Variants in GPR155 observed in about 807,000 individuals in gnomAD.
GPR155 encodes the protein G protein-coupled receptor 155, also known as lysosomal cholesterol signaling protein.
A neutral mutation model predicts 93.1 loss-of-function variants in GPR155; 65 were observed. The observed-to-expected ratio is 0.70, with a 90% CI of 0.57 to 0.86. GPR155 has a LOEUF of 0.86. GPR155 is among the 40% of genes least tolerant of loss of function. The probability of loss-of-function intolerance (pLI) is 0.00; values close to 1 mark genes in which losing one functional copy is unlikely to be tolerated. For missense variants in GPR155, 838 were observed against 1,034.8 expected, an observed-to-expected ratio of 0.81 and a Z score of 2.61; for synonymous variants, 319 against 360.1, an observed-to-expected ratio of 0.89 and a Z score of 1.29.
chr2:174,453,967 T>G (rs982351521), intron 10 of GPR155, 126 bp from the exon 11 acceptor site: 2 of 666,032 alleles, frequency 3.0e-6, no homozygotes, highest in Admixed American at 4.7e-5. Context: ...CTCAATAGTT[T>G]TCACATGGTA....
At chr2:174,452,888 G>A (rs1186749802) in intron 11 of GPR155, among the ~76,000 whole-genome samples, 1 of 152,184 alleles carries the variant, frequency 6.6e-6, no homozygotes, top group African/African-American at 2.4e-5. Context: ...CTGACCTTGT[G>A]ATCCACCCGC....
chr2:174,455,332 T>C (rs918344808), intron 10 of GPR155, among the ~76,000 whole-genome samples: 1 of 152,108 alleles, frequency 6.6e-6, no homozygotes, highest in Non-Finnish European at 1.5e-5. Context: ...GAAGGTTCAC[T>C]GGGTAGCTCA....
chr2:174,442,067 TG>T (rs781175529), intron 14 of GPR155, 51 bp downstream of exon 14: 18 of 935,918 alleles, frequency 1.9e-5, no homozygotes, highest in Non-Finnish European at 2.8e-5. Flanking sequence ...CTTAATATAA[TG>T]GCTTTGTCAT....
At chr2:174,473,652 G>A (rs1333370999) in intron 2 of GPR155, among the ~76,000 whole-genome samples, 2 of 152,182 alleles carry the variant, frequency 1.3e-5, no homozygotes, top group Non-Finnish European at 2.9e-5. Flanking sequence ...GAGCAGAATT[G>A]TAGAATTTTT....
intron 9 of GPR155, among the ~76,000 whole-genome samples, chr2:174,461,065 G>A (rs1009238358): frequency 3.0e-4 from 43 of 143,860 alleles, no homozygotes; most frequent in Middle Eastern, 3.4e-3. Flanking sequence ...TTTATGATAG[G>A]ATTAAGAGTC....
At chr2:174,442,069 G>A (rs1404954230) in intron 14 of GPR155, 50 bp downstream of exon 14, 1 of 942,212 alleles carries the variant, frequency 1.1e-6, no homozygotes, top group Non-Finnish European at 1.7e-6. Context: ...TAATATAATG[G>A]CTTTGTCATC....
At chr2:174,456,028 G>A (rs1470739570) in intron 10 of GPR155, among the ~76,000 whole-genome samples, 1 of 151,994 alleles carries the variant, frequency 6.6e-6, no homozygotes, top group Non-Finnish European at 1.5e-5. Flanking sequence ...TTTTAGTAGA[G>A]ACGGGGTTTC....
At chr2:174,475,071 G>A (rs955763201) in intron 2 of GPR155, among the ~76,000 whole-genome samples, 5 of 151,480 alleles carry the variant, frequency 3.3e-5, no homozygotes, top group South Asian at 2.1e-4. Flanking sequence ...CGAGGCGGGC[G>A]GATCACGAGG....
intron 1 of GPR155, among the ~76,000 whole-genome samples, chr2:174,482,483 C>A (rs796520538): frequency 6.6e-6 from 1 of 152,104 alleles, no homozygotes; most frequent in South Asian, 2.1e-4. Flanking sequence ...CTTTCCAGCC[C>A]GTGGTCATAT....
intron 11 of GPR155, 144 bp downstream of exon 11, chr2:174,453,593 C>T (rs1027458735): frequency 2.0e-6 from 1 of 506,546 alleles, no homozygotes; most frequent in Non-Finnish European, 3.6e-6. Context: ...CTGGGAGGCA[C>T]AGCTTGCAGT....
Position 174,446,718 on chromosome 2 carries a change from G to T in GPR155, c.1906C>A (p.Gln636Lys), listed in dbSNP as rs532779396. Residue 636 changes from glutamine (Q) to lysine (K), a missense_variant, in exon 12 of 16, where the codon CAG (glutamine) becomes AAG (lysine). By Grantham distance (53) the Gln-to-Lys change is moderately conservative (BLOSUM62 1). This residue lies in a region of GPR155 where 663 missense variants were observed against 790.1 expected (regional missense o/e 0.84). Transcript: ENST00000392552. ...TCTTCCTGGGCTAATATGCAGCTCT[G>T]GGAGTTACAGCGACTCACACAATGA... is the stretch of plus-strand genomic sequence containing the variant. ...NNHCVSRCNSQSCILAQEEEQ... is the reference protein window; with the variant it reads ...NNHCVSRCNSKSCILAQEEEQ... 16 of 1,613,892 alleles carry T rather than the reference G, an allele frequency of 9.9e-6. No individual in the cohort carries two copies. The East Asian group carries it at 2.9e-4, about 29-fold the overall frequency.
intron 1 of GPR155, among the ~76,000 whole-genome samples, chr2:174,484,259 A>G (rs1286650662): frequency 6.6e-6 from 1 of 152,246 alleles, no homozygotes; most frequent in African/African-American, 2.4e-5. Context: ...TATCTTGGGA[A>G]AGCTACCGGT....
At chr2:174,468,768 CAG>C (rs1423280302) in intron 5 of GPR155, 142 bp downstream of exon 5, 1 of 724,534 alleles carries the variant, frequency 1.4e-6, no homozygotes, top group Non-Finnish European at 2.3e-6. Context: ...CTCAGTTAAT[CAG>C]AAGGCTGACA....
At chr2:174,447,883 C>T (rs1044963630) in intron 11 of GPR155, among the ~76,000 whole-genome samples, 3 of 149,390 alleles carry the variant, frequency 2.0e-5, no homozygotes, top group South Asian at 2.1e-4. Flanking sequence ...AAATTATATA[C>T]ATATAATTTT....
At chr2:174,458,196 T>C (rs746019708) in intron 10 of GPR155, among the ~76,000 whole-genome samples, 1 of 152,208 alleles carries the variant, frequency 6.6e-6, no homozygotes, top group Non-Finnish European at 1.5e-5. Flanking sequence ...TAAAAGTTTC[T>C]TTTCTAAGTA....
intron 10 of GPR155, among the ~76,000 whole-genome samples, chr2:174,458,292 A>G (rs1486290517): frequency 6.6e-6 from 1 of 152,204 alleles, no homozygotes; most frequent in Non-Finnish European, 1.5e-5. Context: ...GGACCATGGT[A>G]ACTGGAATGT....
intron 1 of GPR155, among the ~76,000 whole-genome samples, chr2:174,482,341 A>G (rs897112371): frequency 3.9e-5 from 6 of 152,146 alleles, no homozygotes; most frequent in Non-Finnish European, 5.9e-5. Context: ...CTCTCCATCA[A>G]TTGAGCTCCG....
At chr2:174,478,172 C>T (rs1688220630) in intron 2 of GPR155, among the ~76,000 whole-genome samples, 1 of 152,164 alleles carries the variant, frequency 6.6e-6, no homozygotes, top group South Asian at 2.1e-4. Flanking sequence ...TTAGTTTCTT[C>T]TCATACTTGG....
At position 174,470,513 on chromosome 2, in the gene GPR155, C is replaced by A; in HGVS notation, c.903G>T (p.Leu301Phe). 6.2e-7 allele frequency: 1 copy of A among 1,613,838 alleles called. No homozygotes were observed. The highest frequency in any genetic ancestry group is 1.7e-5 in the Admixed American group (1 of 60,002). The change falls in exon 4 of 16, where the codon TTG becomes TTT. Residue 301 changes from leucine (L) to phenylalanine (F), a missense_variant. By Grantham distance (22) the Leu-to-Phe change is conservative. Coordinates refer to ENST00000392552, the MANE Select transcript of GPR155 (RefSeq NM_152529.7). Reference sequence around the variant, plus strand: ...GGTTCACCACACTGTCGCCCTTGTCCAAGAGTTCCACCATTTCTCTGCACA... The same window carrying A: ...GGTTCACCACACTGTCGCCCTTGTCAAAGAGTTCCACCATTTCTCTGCACA... ...PLLCREMVELLDKGDSVVNHT... is the reference protein window; with the variant it reads ...PLLCREMVELFDKGDSVVNHT...
Sources: allele counts gnomAD v4.1 joint callset (sites outside exome capture counted in the v4.1 genomes callset), GRCh38; gene constraint gnomAD v4.1.1; regional missense constraint gnomAD v4.1.1; transcripts MANE v1.5; gene names NCBI Gene and HGNC (gene_info 2026-07-23, HGNC 2026-07-21).